The following DNAJC7 variants were observed in gnomAD, a reference collection of about 807,000 sequenced individuals.
DNAJC7 encodes DnaJ heat shock protein family (Hsp40) member C7.
A neutral mutation model predicts 67.4 loss-of-function variants in DNAJC7; 18 were observed. That is an observed-to-expected ratio of 0.27 (90% confidence interval 0.18 to 0.40). The LOEUF (loss-of-function observed/expected upper bound fraction) is 0.40, where lower values mean the gene tolerates loss of function less well. Ranked by LOEUF, DNAJC7 falls within the 10% of genes least tolerant of loss-of-function variation. DNAJC7 has a pLI of 1.00. For synonymous variants in DNAJC7, 220 were observed against 207.8 expected (o/e 1.06, Z -0.50); for missense variants, 419 against 613.8 (o/e 0.68, Z 3.35).
intron 5 of DNAJC7, among the ~76,000 whole-genome samples, chr17:41,993,241 C>T (rs531685532): frequency 9.9e-5 from 15 of 152,224 alleles, no homozygotes; most frequent in African/African-American, 3.6e-4. Context: ...GGGAGGATCA[C>T]AAGGTCAGGA....
At position 41,989,564 on chromosome 17, in the gene DNAJC7, T is replaced by C. The variant is rs1347778962; in HGVS notation, c.600-7A>G. On this transcript the variant is annotated splice_polypyrimidine_tract_variant and splice_region_variant and intron_variant, in intron 6 of 13. Transcript: ENST00000457167. ...ATCCATTCGTAGAATGTCACTGCAA[T>C]AGTCAGAAAAGGGCACATTGAGCTG... The C allele has an allele frequency of 3.7e-6, 6 of 1,613,670 alleles. No individual in the cohort carries two copies. Among genetic ancestry groups the C allele is most frequent in the Non-Finnish European group, 5.1e-6 (6 of 1,179,750 alleles).
rs1555652138 is a variant in DNAJC7 at position 42,017,391 on chromosome 17, A to G, written c.26T>C (p.Val9Ala). MAAAAECD[V>A]VMAATEPELL... ...CTCCGGCTCGGTCGCCGCCATTACCACATCGCACTCCGCGGCAGCCGCCAT... is the reference window on the plus strand; with the variant it reads ...CTCCGGCTCGGTCGCCGCCATTACCGCATCGCACTCCGCGGCAGCCGCCAT... Residue 9 changes from valine to alanine, a missense_variant, in exon 1 of 14, where the codon GTG becomes GCG. By Grantham distance (64) the Val-to-Ala change is moderately conservative. Coordinates refer to ENST00000457167, the MANE Select transcript of DNAJC7 (RefSeq NM_003315.4). 6.2e-7 allele frequency: 1 copy of G among 1,609,744 alleles called. No individual in the cohort carries two copies. The highest frequency in any genetic ancestry group is 8.5e-7 in the Non-Finnish European group (1 of 1,179,840).
chr17:41,994,338 AAAAC>A (rs2051596971), intron 5 of DNAJC7, among the ~76,000 whole-genome samples: 1 of 151,872 alleles, frequency 6.6e-6, no homozygotes, highest in African/African-American at 2.4e-5. Flanking sequence ...TCCATCTCAA[AAAAC>A]AAACAACAAC....
chr17:41,984,569 A>C (rs1567956272), intron 9 of DNAJC7: 1 of 151,776 alleles, frequency 6.6e-6, no homozygotes, highest in Non-Finnish European at 1.5e-5. Flanking sequence ...GACCTCCCAG[A>C]GTGTTGGGAT....
At chr17:42,000,061 C>A (rs141176596) in intron 2 of DNAJC7, among the ~76,000 whole-genome samples, 198 of 137,024 alleles carry the variant, frequency 1.4e-3, no homozygotes, top group African/African-American at 5.4e-3. Flanking sequence ...TAAAGTGATC[C>A]GCCTGCTTTG....
chr17:41,992,657 T>C (rs928847305), intron 5 of DNAJC7: 3 of 152,216 alleles, frequency 2.0e-5, no homozygotes, highest in Non-Finnish European at 4.4e-5. Context: ...GTTCTGCTAA[T>C]CATGGGGATC....
At chr17:42,012,469 G>C (rs977187020) in intron 1 of DNAJC7, among the ~76,000 whole-genome samples, 5 of 152,178 alleles carry the variant, frequency 3.3e-5, no homozygotes, top group African/African-American at 1.2e-4. Flanking sequence ...GTGACAGAGC[G>C]AGACTCCGTC....
intron 12 of DNAJC7, among the ~76,000 whole-genome samples, chr17:41,979,168 G>C (rs572111632): frequency 4.6e-5 from 7 of 151,190 alleles, no homozygotes; most frequent in African/African-American, 1.5e-4. Context: ...GTGAAACCCC[G>C]TCTCTACTAA....
At chr17:41,977,076 C>T in intron 13 of DNAJC7, 185 bp downstream of exon 13, 1 of 694,766 alleles carries the variant, frequency 1.4e-6, no homozygotes, top group Admixed American at 2.9e-5. Flanking sequence ...GGTCCCAAGG[C>T]AAGGGGTGCC....
chr17:41,991,435 A>G (rs900549793), intron 5 of DNAJC7, among the ~76,000 whole-genome samples: 14 of 152,242 alleles, frequency 9.2e-5, no homozygotes, highest in African/African-American at 2.9e-4. Context: ...CTAATATGGA[A>G]AGACTTCCAA....
rs1034431489 is a variant in DNAJC7, at chr17:42,017,429, A to G, written c.-13T>C. 6 of 1,605,274 alleles carry G rather than the reference A, an allele frequency of 3.7e-6. No individual in the cohort carries two copies. Among genetic ancestry groups the G allele is most frequent in the Non-Finnish European group, 4.2e-6 (5 of 1,179,804 alleles). On this transcript the variant is annotated 5_prime_UTR_variant, in exon 1 of 14. Coordinates refer to ENST00000457167, the MANE Select transcript of DNAJC7 (RefSeq NM_003315.4). ...CGGCAGCCGCCATCTTACCGCCGGGACCAGAGAGCTGGGTGGGAGGCCGGC... is the reference window on the plus strand; with the variant it reads ...CGGCAGCCGCCATCTTACCGCCGGGGCCAGAGAGCTGGGTGGGAGGCCGGC...
chr17:42,017,217 G>C, intron 1 of DNAJC7, 123 bp downstream of exon 1: 1 of 1,596,184 alleles, frequency 6.3e-7, no homozygotes, highest in African/African-American at 1.3e-5. Flanking sequence ...ATCTCAGATG[G>C]GGGGGTGTTT....
At chr17:42,000,347 G>C (rs2051775646) in intron 2 of DNAJC7, 135 bp downstream of exon 2, 2 of 597,758 alleles carry the variant, frequency 3.3e-6, no homozygotes, top group Non-Finnish European at 2.9e-6. Flanking sequence ...TGAAACCCCT[G>C]ATCTAAAGTG....
At chr17:41,988,034 G>C in intron 8 of DNAJC7, 124 bp from the exon 9 acceptor site, 1 of 761,608 alleles carries the variant, frequency 1.3e-6, no homozygotes, top group African/African-American at 1.8e-5. Context: ...GTCATATTAA[G>C]TTCTAGTTCT....
In DNAJC7 at chr17:41,992,874, T is replaced by C. The variant is rs1248854404; in HGVS notation, c.480+1996A>G. 2.0e-5 allele frequency: 3 copies of C among 152,022 alleles called. No individual in the cohort carries two copies. The East Asian group carries it at 5.8e-4, about 29-fold the overall frequency. 9.4% of individuals were successfully genotyped at this position (152,022 alleles called of 1,614,324 possible). A position where few individuals can be genotyped will look rare whatever the true frequency, so the allele number is the denominator to read the frequency against. On this transcript the variant is annotated intron_variant, in intron 5 of 13. Transcript: ENST00000457167. ...CAAACTCAGGATTCTGGCTCTGGAG[T>C]AGGCAAGAGAGAAAAGAAACCCAAA...
intron 5 of DNAJC7, among the ~76,000 whole-genome samples, chr17:41,990,899 G>A (rs560743242): frequency 5.9e-5 from 9 of 152,064 alleles, no homozygotes; most frequent in Middle Eastern, 3.4e-3. Flanking sequence ...CTTGATCCTC[G>A]TGATCCGTCC....
rs1248819121 is a variant in DNAJC7 at position 41,983,889 on chromosome 17, G to C, written c.1011-253C>G. Reference sequence around the variant, plus strand: ...TCAGCTTTGAGCAGAAAGTAATCAAGAGGAAAAAGTTCCTTCTGACACACA... The same window carrying C: ...TCAGCTTTGAGCAGAAAGTAATCAACAGGAAAAAGTTCCTTCTGACACACA... On this transcript the variant is annotated intron_variant, in intron 9 of 13. Transcript: ENST00000457167. Among the ~76,000 whole-genome samples, 4 of 152,230 alleles carry C rather than the reference G, an allele frequency of 2.6e-5. No homozygotes were observed. In the East Asian group the frequency reaches 5.8e-4, roughly 22 times the overall value.
intron 1 of DNAJC7, among the ~76,000 whole-genome samples, chr17:42,010,309 C>A (rs1555650910): frequency 7.0e-6 from 1 of 142,498 alleles, no homozygotes; most frequent in Admixed American, 7.4e-5. Flanking sequence ...CATGGAGAAA[C>A]CCTGTCTCTA....
chr17:41,982,821 G>A (rs567019563), intron 10 of DNAJC7, among the ~76,000 whole-genome samples: 14 of 152,132 alleles, frequency 9.2e-5, no homozygotes, highest in African/African-American at 2.6e-4. Flanking sequence ...TTAGCCAGGC[G>A]TGGTACCATG....
Sources: gnomAD v4.1 joint callset for allele counts (sites outside exome capture counted in the v4.1 genomes callset) on GRCh38, gnomAD v4.1.1 for gene constraint, MANE v1.5 for transcripts, NCBI Gene and HGNC (gene_info 2026-07-23, HGNC 2026-07-21) for gene names.